The following TENT5B variants were observed in gnomAD, a reference collection of about 807,000 sequenced individuals.
TENT5B encodes the protein terminal nucleotidyltransferase 5B.
A neutral mutation model predicts 21.7 loss-of-function variants in TENT5B; 12 were observed. That is an observed-to-expected ratio of 0.55 (90% CI 0.36 to 0.90). TENT5B has a LOEUF of 0.90. TENT5B is among the 40% of genes least tolerant of loss of function. The pLI is 0.01. For missense variants in TENT5B, 540 were observed against 601.5 expected (o/e 0.90, Z 1.07); for synonymous variants, 262 against 266.6 (o/e 0.98, Z 0.17).
intron 1 of TENT5B, among the ~76,000 whole-genome samples, chr1:27,008,371 G>A (rs1027985384): frequency 6.6e-6 from 1 of 152,132 alleles, no homozygotes; most frequent in African/African-American, 2.4e-5. Flanking sequence ...TGCTGAGAAG[G>A]CAAGCTGTGG....
chr1:27,009,299 A>G (rs1274447727), intron 1 of TENT5B, among the ~76,000 whole-genome samples: 1 of 152,054 alleles, frequency 6.6e-6, no homozygotes, highest in Non-Finnish European at 1.5e-5. Flanking sequence ...ACTGAAGCTC[A>G]CAGGAGTGAT....
At chr1:27,009,077 C>T (rs368451290) in intron 1 of TENT5B, among the ~76,000 whole-genome samples, 44 of 137,132 alleles carry the variant, frequency 3.2e-4, no homozygotes, top group Middle Eastern at 4.5e-3. Context: ...CAGCTCACTG[C>T]AACCTCAGCC....
chr1:27,011,661 G>A (rs1232771488), intron 1 of TENT5B, among the ~76,000 whole-genome samples: 2 of 152,212 alleles, frequency 1.3e-5, no homozygotes, highest in Non-Finnish European at 2.9e-5. Context: ...AAAGGGAAGA[G>A]TTGGAGGAGG....
Position 27,005,577 on chromosome 1 carries a change from A to G in TENT5B, c.*367T>C, listed in dbSNP as rs1240444337. 8.9e-6 allele frequency: 2 copies of G among 225,074 alleles called. No homozygotes were observed. The highest frequency in any genetic ancestry group is 1.7e-5 in the Non-Finnish European group (2 of 114,518). The allele number at this position is 225,074 out of a possible 1,614,324, so 13.9% of individuals were successfully genotyped here. ...GGATCACCACAGGCTGGCCTTAGTC[A>G]AAAAGACCCTCTTAGACCATGGGAA... On this transcript the variant is annotated 3_prime_UTR_variant, in exon 2 of 2. Coordinates refer to ENST00000289166, the MANE Select transcript of TENT5B (RefSeq NM_052943.4).
rs1238891234 is a variant in TENT5B at position 27,006,222 on chromosome 1, C to G, written c.1000G>C (p.Ala334Pro). The G allele has an allele frequency of 6.2e-7, 1 of 1,610,110 alleles. No individual in the cohort carries two copies. Among genetic ancestry groups the G allele is most frequent in the Non-Finnish European group, 8.5e-7 (1 of 1,178,812 alleles). Residue 334 changes from alanine to proline, a missense_variant, in exon 2 of 2, where the codon GCA becomes CCA. Coordinates refer to ENST00000289166, the MANE Select transcript of TENT5B (RefSeq NM_052943.4). The surrounding 1 kb of genome is among the most constrained non-coding windows in gnomAD (Gnocchi z 9.4). Reference sequence around the variant, plus strand: ...CAGGCGTAACGGCGGGCTGCATCTGCCCCACCGAAGTGGGCCTCCAGGTAG... The same window carrying G: ...CAGGCGTAACGGCGGGCTGCATCTGGCCCACCGAAGTGGGCCTCCAGGTAG... ...ERYLEAHFGG[A>P]DAARRYACLV...
chr1:27,010,426 GC>G (rs965029875), intron 1 of TENT5B, among the ~76,000 whole-genome samples: 9 of 129,048 alleles, frequency 7.0e-5, no homozygotes, highest in Non-Finnish European at 1.6e-5. Flanking sequence ...CCCTCTCCCC[GC>G]CCCCATCCCT....
rs145345359 is a variant in TENT5B at position 27,006,718 on chromosome 1, T to C, written c.504A>G (p.Thr168=). ...GCTTCTGCACGTATGCCTCCTTGAG[T>C]GTCAGTGGCGTGATCTTGGCCCGGC... The part of the protein sequence containing the change: ...GVSRAKITPL[T]LKEAYVQKLV... Residue 168 remains threonine (T), a synonymous_variant, in exon 2 of 2, where the codon ACA becomes ACG. Transcript: ENST00000289166. This position sits in a 1 kb window ranked among gnomAD's most constrained non-coding sequence, Gnocchi z 9.4. The C allele has an allele frequency of 4.4e-3, 7,045 of 1,613,994 alleles. 23 individuals carry two copies. Among genetic ancestry groups the C allele is most frequent in the Middle Eastern group, 5.8e-3 (35 of 6,062 alleles).
intron 1 of TENT5B, among the ~76,000 whole-genome samples, chr1:27,011,792 T>A (rs1342005883): frequency 6.6e-6 from 1 of 152,164 alleles, no homozygotes; most frequent in East Asian, 1.9e-4. Flanking sequence ...ATTGGTCACT[T>A]AATGTTGCCC....
chr1:27,006,109 T>C lies in TENT5B; in HGVS notation c.1113A>G (p.Ala371=). The C allele has an allele frequency of 6.2e-7, 1 of 1,609,374 alleles. No homozygotes were observed. The highest frequency in any genetic ancestry group is 1.1e-5 in the South Asian group (1 of 90,792). ...GCTCAGCCAGTGCCTGCAGCGCCAG[T>C]GCGGCAATGAGGTCCAGCGTCTGGC... ...ERRQTLDLIA[A]LALQALAEQG... is the part of the protein sequence containing the mutation. Residue 371 remains alanine (A), a synonymous_variant, in exon 2 of 2, where the codon GCA becomes GCG. Transcript: ENST00000289166. The surrounding 1 kb of genome is among the most constrained non-coding windows in gnomAD (Gnocchi z 9.4).
In TENT5B at chr1:27,006,647, A is replaced by G; in HGVS notation, c.575T>C (p.Leu192Pro). ...TDSDRWSLIS[L>P]SNKSGKNVEL... ...CACGTTCTTGCCGCTCTTGTTGGACAGTGAGATGAGGCTCCAGCGGTCCGA... is the reference window on the plus strand; with the variant it reads ...CACGTTCTTGCCGCTCTTGTTGGACGGTGAGATGAGGCTCCAGCGGTCCGA... The change falls in exon 2 of 2, where the codon CTG becomes CCG. Residue 192 changes from leucine (L) to proline (P), a missense_variant. By Grantham distance (98) the Leu-to-Pro change is moderately conservative. Transcript: ENST00000289166. This position sits in a 1 kb window ranked among gnomAD's most constrained non-coding sequence, Gnocchi z 9.4. 6.2e-7 allele frequency: 1 copy of G among 1,614,110 alleles called. No individual in the cohort carries two copies.
chr1:27,009,600 C>G (rs966983202), intron 1 of TENT5B, among the ~76,000 whole-genome samples: 2 of 152,234 alleles, frequency 1.3e-5, no homozygotes, highest in South Asian at 4.1e-4. Context: ...TGTCAGCTGG[C>G]AGCTGTGCCT....
In TENT5B at chr1:27,012,806, C is replaced by A; in HGVS notation, c.-136G>T. On this transcript the variant is annotated 5_prime_UTR_variant, in exon 1 of 2. Coordinates refer to ENST00000289166, the MANE Select transcript of TENT5B (RefSeq NM_052943.4). ...GGGCGGCAACGACGGCGAGACAAAG[C>A]CAGGGAACACCTCAGACGGCGACGA... The A allele has an allele frequency of 2.6e-6, 3 of 1,146,130 alleles. No individual in the cohort carries two copies. The highest frequency in any genetic ancestry group is 3.8e-5 in the South Asian group (2 of 53,102). 71.0% of individuals were successfully genotyped at this position (1,146,130 alleles called of 1,614,324 possible). A position where few individuals can be genotyped will look rare whatever the true frequency, so the allele number is the denominator to read the frequency against.
chr1:27,006,633 C>T lies in TENT5B; in HGVS notation c.589G>A (p.Gly197Ser), dbSNP rs780902413. 35 of 1,614,160 alleles carry T rather than the reference C, an allele frequency of 2.2e-5. No homozygotes were observed. The highest frequency in any genetic ancestry group is 1.6e-4 in the Middle Eastern group (1 of 6,062). ...WSLISLSNKSGKNVELKFVDS... is the reference protein window; with the variant it reads ...WSLISLSNKSSKNVELKFVDS... Reference sequence around the variant, plus strand: ...ACAAACTTGAGCTCCACGTTCTTGCCGCTCTTGTTGGACAGTGAGATGAGG... The same window carrying T: ...ACAAACTTGAGCTCCACGTTCTTGCTGCTCTTGTTGGACAGTGAGATGAGG... The change falls in exon 2 of 2, where the codon GGC becomes AGC. Residue 197 changes from glycine to serine, a missense_variant. Gly to Ser is a moderately conservative substitution (Grantham distance 56, BLOSUM62 0). Coordinates refer to ENST00000289166, the MANE Select transcript of TENT5B (RefSeq NM_052943.4). The surrounding 1 kb of genome is among the most constrained non-coding windows in gnomAD (Gnocchi z 9.4).
intron 1 of TENT5B, among the ~76,000 whole-genome samples, chr1:27,011,598 G>A (rs2082623831): frequency 6.6e-6 from 1 of 152,192 alleles, no homozygotes; most frequent in Admixed American, 6.5e-5. Flanking sequence ...GAACATGACA[G>A]CGTCTGGGCT....
At position 27,005,372 on chromosome 1, in the gene TENT5B, C is replaced by T. The variant is rs1189371127; in HGVS notation, c.*572G>A. 6.5e-6 allele frequency: 1 copy of T among 153,272 alleles called. No homozygotes were observed. Among genetic ancestry groups the T allele is most frequent in the Non-Finnish European group, 1.5e-5 (1 of 68,860 alleles). The allele number at this position is 153,272 out of a possible 1,614,324, so 9.5% of individuals were successfully genotyped here. A position where few individuals can be genotyped will look rare whatever the true frequency, so the allele number is the denominator to read the frequency against. On this transcript the variant is annotated 3_prime_UTR_variant, in exon 2 of 2. Coordinates refer to ENST00000289166, the MANE Select transcript of TENT5B (RefSeq NM_052943.4). Reference sequence around the variant, plus strand: ...GGGGTATGTAGTTCAGAGAACCGGGCTAAACCCAGCCCTCCCCAAACCCAG... The same window carrying T: ...GGGGTATGTAGTTCAGAGAACCGGGTTAAACCCAGCCCTCCCCAAACCCAG...
At chr1:27,011,588 G>C (rs961134400) in intron 1 of TENT5B, among the ~76,000 whole-genome samples, 2 of 152,208 alleles carry the variant, frequency 1.3e-5, no homozygotes, top group Non-Finnish European at 2.9e-5. Flanking sequence ...TGGTATTTCA[G>C]AACATGACAG....
At chr1:27,010,898 G>T (rs1557704036) in intron 1 of TENT5B, among the ~76,000 whole-genome samples, 1 of 152,182 alleles carries the variant, frequency 6.6e-6, no homozygotes, top group Admixed American at 6.5e-5. Context: ...TCCTAAACAG[G>T]GCTTGGCACA....
chr1:27,005,996 G>A lies in TENT5B; in HGVS notation c.1226C>T (p.Pro409Leu), dbSNP rs1439926513. 1 of 1,599,072 alleles carries A rather than the reference G, an allele frequency of 6.3e-7. No individual in the cohort carries two copies. Residue 409 changes from proline (P) to leucine (L), a missense_variant, in exon 2 of 2, where the codon CCC becomes CTC. Pro to Leu is a moderately conservative substitution (Grantham distance 98, BLOSUM62 -3). Coordinates refer to ENST00000289166, the MANE Select transcript of TENT5B (RefSeq NM_052943.4). ...GGCGTGAGCCAGGAGAGGTTGCACG[G>A]GGGTCACGTAGTAATTGACAGTGGC... ...VPATVNYYVT[P>L]VQPLLAHAYP...
Position 27,012,400 on chromosome 1 carries a change from C to T in TENT5B, c.264+7G>A, listed in dbSNP as rs1335720799. 1 of 1,611,020 alleles carries T rather than the reference C, an allele frequency of 6.2e-7. No homozygotes were observed. The highest frequency in any genetic ancestry group is 8.5e-7 in the Non-Finnish European group (1 of 1,179,230). On this transcript the variant is annotated splice_region_variant and intron_variant, in intron 1 of 1. Coordinates refer to ENST00000289166, the MANE Select transcript of TENT5B (RefSeq NM_052943.4). ...TCCCCCACATCCCCCGCCTGGCGTC[C>T]TCTCACCTGCACGATCTGCCGGGGC...
Sources: gnomAD v4.1 joint callset for allele counts (sites outside exome capture counted in the v4.1 genomes callset) on GRCh38, gnomAD v4.1.1 for gene constraint, Gnocchi (gnomAD v3.1) non-coding constraint, MANE v1.5 for transcripts, NCBI Gene and HGNC (gene_info 2026-07-23, HGNC 2026-07-21) for gene names.